Variants in HYDIN observed in about 807,000 individuals in gnomAD.
The protein encoded by HYDIN is axonemal central pair apparatus protein HYDIN.
HYDIN carries 132 observed loss-of-function variants against 403.9 expected under a neutral mutation model. That is an observed-to-expected ratio of 0.33 (90% CI 0.28 to 0.38). HYDIN has a LOEUF of 0.38. HYDIN is among the 10% of genes least tolerant of loss of function. The pLI is 1.00. For synonymous variants in HYDIN, 1,202 were observed against 1,891.7 expected (o/e 0.64, Z 9.46); for missense variants, 2,827 against 5,009.5 (o/e 0.56, Z 13.15).
chr16:71,186,977 T>A, intron 1 of HYDIN, 59 bp from the exon 2 acceptor site: 1 of 1,141,666 alleles, frequency 8.8e-7, no homozygotes, highest in Non-Finnish European at 1.3e-6. Flanking sequence ...ATACAGGTCA[T>A]AATTTTTTTT....
chr16:70,909,734 C>T (rs1281526759), intron 47 of HYDIN, among the ~76,000 whole-genome samples: 3 of 141,518 alleles, frequency 2.1e-5, no homozygotes, highest in East Asian at 4.2e-4. Flanking sequence ...CTCGCTTTGT[C>T]GCCCAGGCTG....
rs55658404 is a variant in HYDIN at position 70,937,669 on chromosome 16, CAAAAAAAAA to C, written c.6995+936_6995+944del. On this transcript the variant is annotated intron_variant, in intron 44 of 85. Transcript: ENST00000393567. ...TGGATGACAGAGCAAGAGTCTGTCT[CAAAAAAAAA>C]AAAAAAAAAAGATTAGGACATACTG... is the stretch of plus-strand genomic sequence containing the variant. Among the ~76,000 whole-genome samples, 53 of 80,948 alleles carry C rather than the reference CAAAAAAAAA, an allele frequency of 6.5e-4. 1 individual carries two copies. Among genetic ancestry groups the C allele is most frequent in the African/African-American group, 2.4e-3 (50 of 21,080 alleles). The allele number at this position is 80,948 out of a possible 152,430, so 53.1% of individuals were successfully genotyped here.
At chr16:71,197,702 C>G (rs541669089) in intron 1 of HYDIN, among the ~76,000 whole-genome samples, 1 of 152,146 alleles carries the variant, frequency 6.6e-6, no homozygotes, top group Non-Finnish European at 1.5e-5. Flanking sequence ...AAGGTAACCA[C>G]TATCCTCACT....
Position 70,809,935 on chromosome 16 carries a change from C to T in HYDIN, c.14731G>A (p.Asp4911Asn). The T allele has an allele frequency of 6.2e-7, 1 of 1,614,170 alleles. No individual in the cohort carries two copies. Among genetic ancestry groups the T allele is most frequent in the East Asian group, 2.2e-5 (1 of 44,886 alleles). The change falls in exon 85 of 86, where the codon GAC becomes AAC. Residue 4911 changes from aspartate (D) to asparagine (N), a missense_variant. Coordinates refer to ENST00000393567, the MANE Select transcript of HYDIN (RefSeq NM_001270974.2). ...AGCTCATATTGGTAGTAACCCAAGT[C>T]AGTGTTGTGCAAAGTTAGTCTTCCG... is the stretch of plus-strand genomic sequence containing the variant. ...TFGRLTLHNT[D>N]LGYYQYELYL... is the part of the protein sequence containing the mutation.
At position 70,850,524 on chromosome 16, in the gene HYDIN, T is replaced by G. The variant is rs1185503498; in HGVS notation, c.12575A>C (p.Glu4192Ala). The change falls in exon 74 of 86, where the codon GAG becomes GCG. Residue 4192 changes from glutamate to alanine, a missense_variant. Coordinates refer to ENST00000393567, the MANE Select transcript of HYDIN (RefSeq NM_001270974.2). ...GCCTGTCCTGTCCTTGCACTTGATCTCCACATTCATAGTGTAGCCCTCGGC... is the reference window on the plus strand; with the variant it reads ...GCCTGTCCTGTCCTTGCACTTGATCGCCACATTCATAGTGTAGCCCTCGGC... The part of the protein sequence containing the change: ...VKAEGYTMNV[E>A]IKCKDRTGSI... The G allele has an allele frequency of 6.2e-7, 1 of 1,609,162 alleles. No individual in the cohort carries two copies. Among genetic ancestry groups the G allele is most frequent in the Non-Finnish European group, 8.5e-7 (1 of 1,177,606 alleles).
chr16:71,229,411 G>T (rs1422507857), intron 1 of HYDIN, among the ~76,000 whole-genome samples: 3 of 151,964 alleles, frequency 2.0e-5, no homozygotes, highest in African/African-American at 4.8e-5. Flanking sequence ...CCTACTCCCA[G>T]GTATTTATCA....
chr16:71,062,895 T>C lies in HYDIN; in HGVS notation c.2212-562A>G, dbSNP rs189358610. The C allele has an allele frequency of 6.1e-3, 927 of 153,212 alleles. 9 individuals carry two copies. Among genetic ancestry groups the C allele is most frequent in the African/African-American group, 0.017 (723 of 41,582 alleles). 9.5% of individuals were successfully genotyped at this position (153,212 alleles called of 1,614,324 possible). ...TTTCCTCTGTCCCCAGGGAGCATCC[T>C]GTGCAGTCCTTTTCCACAGCATGCA... On this transcript the variant is annotated intron_variant, in intron 16 of 85. Transcript: ENST00000393567.
chr16:71,207,573 T>C (rs2088364364), intron 1 of HYDIN, among the ~76,000 whole-genome samples: 1 of 152,136 alleles, frequency 6.6e-6, no homozygotes, highest in Admixed American at 6.5e-5. Flanking sequence ...CACATATCAA[T>C]ACTAACCTTG....
intron 73 of HYDIN, among the ~76,000 whole-genome samples, chr16:70,854,564 G>A (rs571227103): frequency 2.0e-5 from 3 of 150,562 alleles, no homozygotes; most frequent in East Asian, 2.0e-4. Context: ...ACAGGCGCCC[G>A]CCAACACGCC....
At chr16:71,221,797 T>C (rs1445703645) in intron 1 of HYDIN, among the ~76,000 whole-genome samples, 3 of 152,226 alleles carry the variant, frequency 2.0e-5, no homozygotes, top group Non-Finnish European at 1.5e-5. Context: ...AAATCAAGTT[T>C]AGCCTAAAGC....
At chr16:71,211,118 C>G (rs1413723183) in intron 1 of HYDIN, among the ~76,000 whole-genome samples, 1 of 152,096 alleles carries the variant, frequency 6.6e-6, no homozygotes, top group Non-Finnish European at 1.5e-5. Flanking sequence ...AAAATTAAAG[C>G]TGGCCACTCC....
intron 9 of HYDIN, among the ~76,000 whole-genome samples, chr16:71,116,230 C>CTTTT (rs3051996): frequency 1.0e-4 from 10 of 97,798 alleles, no homozygotes; most frequent in African/African-American, 2.5e-4. Flanking sequence ...TGAGTTAGAC[C>CTTTT]TTTTTTTTTT....
At chr16:71,059,439 T>C (rs7193611) in intron 18 of HYDIN, among the ~76,000 whole-genome samples, 5 of 152,204 alleles carry the variant, frequency 3.3e-5, no homozygotes, top group African/African-American at 7.2e-5. Flanking sequence ...AAAGATAAGA[T>C]GGTTGTAAGC....
chr16:71,084,562 T>C (rs2082878677), intron 12 of HYDIN, among the ~76,000 whole-genome samples: 1 of 149,488 alleles, frequency 6.7e-6, no homozygotes, highest in South Asian at 2.2e-4. Context: ...AATTTTTTTG[T>C]ATTTTTAGTA....
chr16:71,165,775 G>A lies in HYDIN; in HGVS notation c.517-3045C>T, dbSNP rs145402310. On this transcript the variant is annotated intron_variant, in intron 5 of 85. Coordinates refer to ENST00000393567, the MANE Select transcript of HYDIN (RefSeq NM_001270974.2). ...CGGTCAGGAAAGGCCTCTATGAGGA[G>A]GTGACACTTCAGCAGAGACATGAGT... Among the ~76,000 whole-genome samples the A allele has an allele frequency of 9.2e-3, 1,394 of 151,762 alleles. 33 individuals carry two copies. The highest frequency in any genetic ancestry group is 0.032 in the African/African-American group (1,339 of 41,346).
intron 4 of HYDIN, among the ~76,000 whole-genome samples, chr16:71,178,368 G>A (rs9936084): frequency 0.35 from 51,370 of 147,048 alleles, 9,387 homozygotes; most frequent in East Asian, 0.58. Context: ...GCAGTGAGCC[G>A]AGATCGTACC....
intron 1 of HYDIN, among the ~76,000 whole-genome samples, chr16:71,224,460 G>C (rs2040938422): frequency 2.6e-5 from 4 of 152,020 alleles, no homozygotes. Context: ...TTTAAAAAGA[G>C]GCTGCTCAAT....
rs1408048953 is a variant in HYDIN at position 70,990,024 on chromosome 16, G to GC, written c.3864+1293_3864+1294insG. Reference sequence around the variant, plus strand: ...TCCAGCTCCACTGCTTGATGGACGTGTCCCTGCATTGGTAAAATGGGGAAA... The same window carrying GC: ...TCCAGCTCCACTGCTTGATGGACGTGCTCCCTGCATTGGTAAAATGGGGAAA... On this transcript the variant is annotated intron_variant, in intron 25 of 85. Transcript: ENST00000393567. Among the ~76,000 whole-genome samples the GC allele has an allele frequency of 5.3e-5, 8 of 152,326 alleles. No homozygotes were observed. The East Asian group carries it at 9.7e-4, about 18-fold the overall frequency.
At chr16:70,943,428 G>A (rs2077743493) in intron 42 of HYDIN, among the ~76,000 whole-genome samples, 1 of 152,070 alleles carries the variant, frequency 6.6e-6, no homozygotes, top group African/African-American at 2.4e-5. Flanking sequence ...ATGTTATTAT[G>A]TTTTAACCAG....
Sources: allele counts gnomAD v4.1 joint callset (sites outside exome capture counted in the v4.1 genomes callset), GRCh38; gene constraint gnomAD v4.1.1; transcripts MANE v1.5; gene names NCBI Gene and HGNC (gene_info 2026-07-23, HGNC 2026-07-21).